The following NEBL variants were observed in gnomAD, a reference collection of about 807,000 sequenced individuals.
The protein encoded by NEBL is LIM and SH3 protein 2.
A neutral mutation model predicts 140.2 loss-of-function variants in NEBL; 122 were observed. The observed-to-expected ratio is 0.87, with a 90% CI of 0.75 to 1.01. NEBL has a LOEUF of 1.01. Among genes scored for constraint, NEBL ranks in the 50% least tolerant of loss-of-function variants. The pLI is 0.00. For missense variants in NEBL, 1,365 were observed against 1,231.3 expected, an observed-to-expected ratio of 1.11 and a Z score of -1.62; for synonymous variants, 436 against 398.9, an observed-to-expected ratio of 1.09 and a Z score of -1.11.
At chr10:20,801,028 C>T (rs1837070179) in intron 26 of NEBL, among the ~76,000 whole-genome samples, 1 of 152,122 alleles carries the variant, frequency 6.6e-6, no homozygotes, top group Non-Finnish European at 1.5e-5. Flanking sequence ...ACTGCCCGTG[C>T]TCTAGTTCCA....
At position 20,808,585 on chromosome 10, in the gene NEBL, C is replaced by T. The variant is rs763508486; in HGVS notation, c.2686G>A (p.Asp896Asn). 10 of 1,613,518 alleles carry T rather than the reference C, an allele frequency of 6.2e-6. No individual in the cohort carries two copies. Among genetic ancestry groups the T allele is most frequent in the East Asian group, 2.2e-5 (1 of 44,854 alleles). Residue 896 changes from aspartate (D) to asparagine (N), a missense_variant, in exon 26 of 28, where the codon GAC (aspartate) becomes AAC (asparagine). Physicochemically the swap from Asp to Asn is conservative, Grantham distance 23 (BLOSUM62 1). This residue lies in a region of NEBL where 1,323 missense variants were observed against 1,154.8 expected (regional missense o/e 1.15). Coordinates refer to ENST00000377122, the MANE Select transcript of NEBL (RefSeq NM_006393.3). ...SSTFGTGLGD[D>N]RSEISEIYPS... The stretch of plus-strand genomic sequence containing the variant: ...TAAATCTCGGAGATTTCTGACCTGT[C>T]GTCTCCGAGACCTGTACCGAAAGTA...
chr10:21,017,821 C>CT (rs149030323), intron 3 of NEBL, among the ~76,000 whole-genome samples: 2,752 of 140,198 alleles, frequency 0.02, 46 homozygotes, highest in African/African-American at 0.052. Flanking sequence ...TGATTCTTCT[C>CT]TTTTTTTTTT....
intron 2 of NEBL, among the ~76,000 whole-genome samples, chr10:21,169,067 A>AAAAAAAT (rs1554830679): frequency 4.8e-4 from 11 of 23,076 alleles, no homozygotes; most frequent in East Asian, 2.6e-3. Flanking sequence ...AAAAAAAAAA[A>AAAAAAAT]ATATATATAT....
intron 5 of NEBL, among the ~76,000 whole-genome samples, chr10:20,875,001 C>T (rs1021625696): frequency 1.3e-5 from 2 of 152,082 alleles, no homozygotes; most frequent in Non-Finnish European, 2.9e-5. Flanking sequence ...GGCCTCCCAA[C>T]GTGCTAGGAT....
At chr10:21,125,526 AAAGT>A (rs1429651172) in intron 2 of NEBL, among the ~76,000 whole-genome samples, 2 of 152,184 alleles carry the variant, frequency 1.3e-5, no homozygotes, top group Admixed American at 6.5e-5. Flanking sequence ...ATAAAGCCTC[AAAGT>A]AAGAGGAATG....
At chr10:21,129,918 A>G (rs866236411) in intron 2 of NEBL, among the ~76,000 whole-genome samples, 7 of 152,304 alleles carry the variant, frequency 4.6e-5, no homozygotes, top group Middle Eastern at 3.4e-3. Flanking sequence ...TTTGAACATC[A>G]GTGATCTAAA....
intron 4 of NEBL, among the ~76,000 whole-genome samples, chr10:20,881,360 C>A (rs372876854): frequency 6.6e-6 from 1 of 152,148 alleles, no homozygotes; most frequent in Admixed American, 6.5e-5. Context: ...AGTGCACAAA[C>A]CTTTGGGAGA....
intron 7 of NEBL, among the ~76,000 whole-genome samples, chr10:20,862,611 T>G (rs1843831276): frequency 6.6e-6 from 1 of 152,210 alleles, no homozygotes. Flanking sequence ...TTGCATCTTC[T>G]GAGAGATCCA....
At chr10:21,047,538 A>T (rs558969818) in intron 2 of NEBL, among the ~76,000 whole-genome samples, 132 of 132,232 alleles carry the variant, frequency 1.0e-3, no homozygotes, top group African/African-American at 2.7e-3. Flanking sequence ...AGCTTTTTTT[A>T]AAAAAAAAAA....
intron 2 of NEBL, among the ~76,000 whole-genome samples, chr10:21,133,243 A>C (rs571596583): frequency 6.6e-6 from 1 of 152,346 alleles, no homozygotes; most frequent in South Asian, 2.1e-4. Context: ...CATTTACCTC[A>C]GTAGAAGTCC....
intron 14 of NEBL, among the ~76,000 whole-genome samples, chr10:20,832,705 C>T (rs565849047): frequency 6.6e-6 from 1 of 152,148 alleles, no homozygotes; most frequent in African/African-American, 2.4e-5. Context: ...TTCTCTGCTG[C>T]AAAGTAAATG....
intron 4 of NEBL, among the ~76,000 whole-genome samples, chr10:20,959,611 A>G (rs181277374): frequency 3.9e-4 from 59 of 152,266 alleles, no homozygotes; most frequent in African/African-American, 1.4e-3. Flanking sequence ...TAAATTCACC[A>G]GACCTCAGAG....
intron 15 of NEBL, 28 bp downstream of exon 15, chr10:20,831,445 T>C: frequency 1.3e-6 from 2 of 1,566,302 alleles, no homozygotes; most frequent in South Asian, 2.2e-5. Flanking sequence ...GCATTTATTT[T>C]AAACTTTGTA....
intron 2 of NEBL, chr10:21,030,113 AG>A (rs1833717249): frequency 1.9e-5 from 9 of 471,958 alleles, no homozygotes; most frequent in South Asian, 1.8e-4. Context: ...GCCCGTTGAT[AG>A]AGCTGCTAGA....
chr10:21,275,013 G>A (rs1842902377), intron 1 of NEBL, among the ~76,000 whole-genome samples: 1 of 152,062 alleles, frequency 6.6e-6, no homozygotes, highest in African/African-American at 2.4e-5. Context: ...CCATGTGTAA[G>A]TGGACCCATG....
At chr10:20,982,932 C>T (rs1837112181) in intron 3 of NEBL, among the ~76,000 whole-genome samples, 1 of 152,054 alleles carries the variant, frequency 6.6e-6, no homozygotes, top group South Asian at 2.1e-4. Flanking sequence ...CACAGTAAGA[C>T]CTCAGAACAT....
chr10:20,870,379 A>C (rs1055813595), intron 5 of NEBL, among the ~76,000 whole-genome samples: 2 of 151,888 alleles, frequency 1.3e-5, no homozygotes, highest in Non-Finnish European at 2.9e-5. Flanking sequence ...AAGAAATAAG[A>C]CTAAGATCAA....
At chr10:20,895,424 C>T (rs1386693966) in intron 2 of NEBL, among the ~76,000 whole-genome samples, 2 of 152,122 alleles carry the variant, frequency 1.3e-5, no homozygotes, top group Non-Finnish European at 2.9e-5. Context: ...ACTATTACTG[C>T]CTCTGCTTAA....
At chr10:21,229,396 G>A (rs936944384) in intron 3 of NEBL, among the ~76,000 whole-genome samples, 1 of 152,172 alleles carries the variant, frequency 6.6e-6, no homozygotes, top group African/African-American at 2.4e-5. Context: ...ACTCCAACCT[G>A]GGTAACAGAG....
Sources: allele counts gnomAD v4.1 joint callset (sites outside exome capture counted in the v4.1 genomes callset), GRCh38; gene constraint gnomAD v4.1.1; regional missense constraint gnomAD v4.1.1; transcripts MANE v1.5; gene names NCBI Gene and HGNC (gene_info 2026-07-23, HGNC 2026-07-21).